Variants in PEX5 observed in about 807,000 individuals in gnomAD.
PEX5 encodes PTS1 receptor.
PEX5 carries 52 observed loss-of-function variants against 82.9 expected under a neutral mutation model. The observed-to-expected ratio is 0.63, with a 90% CI of 0.50 to 0.79. The LOEUF (loss-of-function observed/expected upper bound fraction) is 0.79. PEX5 is among the 30% of genes least tolerant of loss of function. The probability of loss-of-function intolerance (pLI) is 0.00; values close to 1 mark genes in which losing one functional copy is unlikely to be tolerated. For missense variants in PEX5, 719 were observed against 815.2 expected, an observed-to-expected ratio of 0.88 and a Z score of 1.44; for synonymous variants, 300 against 318.8, an observed-to-expected ratio of 0.94 and a Z score of 0.63.
At chr12:7,196,215 ATATATG>A (rs1942112851) in intron 5 of PEX5, among the ~76,000 whole-genome samples, 1 of 42,552 alleles carries the variant, frequency 2.4e-5, no homozygotes, top group African/African-American at 4.7e-5. Context: ...TGTAATAATT[ATATATG>A]TCATATATAA....
At chr12:7,206,522 C>T (rs188883114) in intron 10 of PEX5, among the ~76,000 whole-genome samples, 25 of 152,228 alleles carry the variant, frequency 1.6e-4, no homozygotes, top group African/African-American at 6.0e-4. Context: ...CAGAGATGTC[C>T]AAAAACACAC....
downstream of PEX5, among the ~76,000 whole-genome samples, chr12:7,212,394 G>A (rs910635392): frequency 4.8e-5 from 7 of 146,478 alleles, no homozygotes; most frequent in Non-Finnish European, 1.0e-4. Flanking sequence ...AAAGTTCTGG[G>A]ATCACAGGGA....
At position 7,208,018 on chromosome 12, in the gene PEX5, G is replaced by A. The variant is rs369840046; in HGVS notation, c.1119G>A (p.Gln373=). The change falls in exon 12 of 16, where the codon CAG becomes CAA. Residue 373 remains glutamine (Q), a synonymous_variant. Transcript: ENST00000675855. ...QQDPKHMEAW[Q]YLGTTQAENE... ...TGTCAACTTCCCTCTAGGCTTGGCA[G>A]TATCTGGGTACCACCCAGGCAGAGA... 59 of 1,613,252 alleles carry A rather than the reference G, an allele frequency of 3.7e-5. No individual in the cohort carries two copies. Among genetic ancestry groups the A allele is most frequent in the Non-Finnish European group, 3.4e-5 (40 of 1,179,286 alleles).
upstream of PEX5, chr12:7,189,635 G>A (rs1474637498): frequency 9.4e-6 from 3 of 320,652 alleles, no homozygotes; most frequent in East Asian, 5.1e-5. Context: ...GCCGCTGCGG[G>A]GCGGTCACGG....
intron 5 of PEX5, among the ~76,000 whole-genome samples, chr12:7,196,395 C>G (rs1409930241): frequency 2.2e-5 from 3 of 135,284 alleles, no homozygotes; most frequent in African/African-American, 7.9e-5. Context: ...ATGTGTCATA[C>G]ATATATGTGT....
chr12:7,216,963 T>C (rs1034040823), intron 17 of PEX5, among the ~76,000 whole-genome samples: 2 of 152,346 alleles, frequency 1.3e-5, no homozygotes, highest in African/African-American at 4.8e-5. Flanking sequence ...CACTAATTCA[T>C]ACGTGTTTAT....
At position 7,201,147 on chromosome 12, in the gene PEX5, A is replaced by ACG. The variant is rs74332347; in HGVS notation, c.552-602_552-601dup. On this transcript the variant is annotated intron_variant, in intron 6 of 15. Coordinates refer to ENST00000675855, the MANE Select transcript of PEX5 (RefSeq NM_001351132.2). ...TGCATGTGTGCGTGCACACACACAC[A>ACG]CGCACACACATATATACACACATAC... Among the ~76,000 whole-genome samples the ACG allele has an allele frequency of 1.6e-3, 249 of 151,580 alleles. 1 individual carries two copies. Among genetic ancestry groups the ACG allele is most frequent in the African/African-American group, 5.7e-3 (235 of 41,318 alleles).
chr12:7,197,878 T>G (rs1053270664), intron 5 of PEX5, among the ~76,000 whole-genome samples: 1 of 152,126 alleles, frequency 6.6e-6, no homozygotes, highest in Non-Finnish European at 1.5e-5. Context: ...AGTTCCCCCT[T>G]GGGAACTGTC....
Position 7,197,559 on chromosome 12 carries a change from A to AATAATTATGTGTTATATATAATG in PEX5, c.449-1452_449-1451insATAATTATGTGTTATATATAATG, listed in dbSNP as rs1565690134. ...TGTAATTATATATGTTATATATAATATAATAAGTAGTAATTACTTATTATT... is the reference window on the plus strand; with the variant it reads ...TGTAATTATATATGTTATATATAATAATAATTATGTGTTATATATAATGTAATAAGTAGTAATTACTTATTATT... On this transcript the variant is annotated intron_variant, in intron 5 of 15. Coordinates refer to ENST00000675855, the MANE Select transcript of PEX5 (RefSeq NM_001351132.2). Among the ~76,000 whole-genome samples, 192 of 107,496 alleles carry AATAATTATGTGTTATATATAATG rather than the reference A, an allele frequency of 1.8e-3. 21 individuals are homozygous for AATAATTATGTGTTATATATAATG. The highest frequency in any genetic ancestry group is 4.5e-3 in the East Asian group (19 of 4,194). The allele number at this position is 107,496 out of a possible 152,430, so 70.5% of individuals were successfully genotyped here.
At chr12:7,197,370 T>C (rs1383800496) in intron 5 of PEX5, among the ~76,000 whole-genome samples, 1 of 139,712 alleles carries the variant, frequency 7.2e-6, no homozygotes, top group African/African-American at 2.6e-5. Context: ...AATAATTATA[T>C]ATGTCATATA....
Position 7,201,772 on chromosome 12 carries a change from G to A in PEX5, c.573G>A (p.Glu191=). Residue 191 remains glutamate, a synonymous_variant, in exon 7 of 16, where the codon GAG becomes GAA. Transcript: ENST00000675855. ...TDRWYDEYHP[E]EDLQHTASDF... ...CCAGGTATGATGAATATCATCCTGA[G>A]GAGGATCTGCAGCACACGGCCAGTG... The A allele has an allele frequency of 1.2e-6, 2 of 1,613,762 alleles. No individual in the cohort carries two copies. Among genetic ancestry groups the A allele is most frequent in the Non-Finnish European group, 1.7e-6 (2 of 1,179,680 alleles).
intron 1 of PEX5, 53 bp downstream of exon 1, chr12:7,189,803 C>T (rs1940602776): frequency 2.6e-6 from 2 of 774,624 alleles, no homozygotes; most frequent in Admixed American, 4.1e-5. Context: ...GCCCTCCCCA[C>T]CCTTGCGGTG....
At chr12:7,201,564 G>C (rs964437638) in intron 6 of PEX5, among the ~76,000 whole-genome samples, 187 bp from the exon 7 acceptor site, 5 of 152,144 alleles carry the variant, frequency 3.3e-5, no homozygotes, top group African/African-American at 1.2e-4. Flanking sequence ...GAGCTAGAAG[G>C]ATGTAGCTAG....
At chr12:7,201,244 CAT>C (rs1226751338) in intron 6 of PEX5, among the ~76,000 whole-genome samples, 3 of 151,960 alleles carry the variant, frequency 2.0e-5, no homozygotes, top group African/African-American at 7.2e-5. Flanking sequence ...CATATGTAAA[CAT>C]GTAGATACAT....
intron 5 of PEX5, among the ~76,000 whole-genome samples, chr12:7,196,616 C>T (rs62647643): frequency 0.01 from 8 of 764 alleles, 1 homozygote; most frequent in African/African-American, 0.019. Context: ...ATATATGTCA[C>T]ATATAATGTA....
At chr12:7,198,525 A>T (rs150688346) in intron 5 of PEX5, among the ~76,000 whole-genome samples, 4 of 152,292 alleles carry the variant, frequency 2.6e-5, no homozygotes, top group Admixed American at 6.5e-5. Flanking sequence ...TTCTCTTGGT[A>T]GGCAAATTAC....
rs1328511407 is a variant in PEX5, at chr12:7,200,180, G to T, written c.551+1067G>T. Among the ~76,000 whole-genome samples, 56 of 149,886 alleles carry T rather than the reference G, an allele frequency of 3.7e-4. 1 individual carries two copies. Among genetic ancestry groups the T allele is most frequent in the Admixed American group, 7.9e-4 (12 of 15,102 alleles). On this transcript the variant is annotated intron_variant, in intron 6 of 15. Coordinates refer to ENST00000675855, the MANE Select transcript of PEX5 (RefSeq NM_001351132.2). ...GTCTCCTCACTTCTCAGACGGGGCG[G>T]CCGGGCAGAGACGCTCCTCACCTCC...
chr12:7,212,992 TA>T (rs1226318273), downstream of PEX5: 1 of 152,154 alleles, frequency 6.6e-6, no homozygotes, highest in Non-Finnish European at 1.5e-5. Context: ...AATTAAGCTA[TA>T]AAATACCTAG....
intron 10 of PEX5, among the ~76,000 whole-genome samples, chr12:7,205,480 T>G (rs1944654464): frequency 6.6e-6 from 1 of 152,218 alleles, no homozygotes; most frequent in African/African-American, 2.4e-5. Flanking sequence ...CAGATATTAA[T>G]ATACTATTAT....
Sources: allele counts gnomAD v4.1 joint callset (sites outside exome capture counted in the v4.1 genomes callset), GRCh38; gene constraint gnomAD v4.1.1; transcripts MANE v1.5; gene names NCBI Gene and HGNC (gene_info 2026-07-23, HGNC 2026-07-21).